STON2: variants seen among roughly 807,000 people sequenced by gnomAD.
STON2 encodes the protein stonin 2.
In STON2, 29 loss-of-function variants were observed where a neutral mutation model predicts 65.7. That is an observed-to-expected ratio of 0.44 (90% CI 0.33 to 0.60). The LOEUF (loss-of-function observed/expected upper bound fraction) is 0.60, where lower values mean the gene tolerates loss of function less well. Ranked by LOEUF, STON2 falls within the 20% of genes least tolerant of loss-of-function variation. The pLI is 0.03. For synonymous variants in STON2, 404 were observed against 414.2 expected (o/e 0.98, Z 0.30); for missense variants, 1,054 against 1,118.1 (o/e 0.94, Z 0.82).
chr14:81,332,018 C>T (rs1897234327), intron 4 of STON2, among the ~76,000 whole-genome samples: 1 of 152,192 alleles, frequency 6.6e-6, no homozygotes, highest in South Asian at 2.1e-4. Flanking sequence ...GGGTCATAAA[C>T]ATATTTATGG....
At chr14:81,322,156 C>A (rs1270524258) in intron 5 of STON2, among the ~76,000 whole-genome samples, 1 of 152,106 alleles carries the variant, frequency 6.6e-6, no homozygotes, top group Admixed American at 6.6e-5. Context: ...GGGGCTGGCA[C>A]TACATGGAGG....
intron 2 of STON2, among the ~76,000 whole-genome samples, chr14:81,422,662 C>A (rs980957844): frequency 1.3e-5 from 2 of 152,170 alleles, no homozygotes; most frequent in Non-Finnish European, 2.9e-5. Flanking sequence ...AGTTTTCCAG[C>A]ATTTGAAGAA....
chr14:81,424,145 CTTCTT>C (rs1370100881), intron 2 of STON2, among the ~76,000 whole-genome samples: 1 of 152,134 alleles, frequency 6.6e-6, no homozygotes, highest in Non-Finnish European at 1.5e-5. Context: ...AGTTTATTTC[CTTCTT>C]TTATTTTTCC....
intron 4 of STON2, among the ~76,000 whole-genome samples, chr14:81,366,650 G>A (rs4119205): frequency 0.52 from 79,058 of 151,416 alleles, 21,412 homozygotes; most frequent in East Asian, 0.73. Context: ...CAATCATACC[G>A]AACTCCCCAC....
chr14:81,342,963 A>G (rs1036182423), intron 4 of STON2, among the ~76,000 whole-genome samples: 9 of 152,162 alleles, frequency 5.9e-5, no homozygotes, highest in African/African-American at 2.2e-4. Flanking sequence ...TCAAGCGGCA[A>G]TGCCTATGTC....
chr14:81,410,619 G>T (rs2139857532), intron 2 of STON2, among the ~76,000 whole-genome samples: 1 of 152,244 alleles, frequency 6.6e-6, no homozygotes, highest in African/African-American at 2.4e-5. Context: ...TCTGCCCATG[G>T]TACCCTGAGC....
intron 2 of STON2, among the ~76,000 whole-genome samples, chr14:81,419,564 G>A (rs867711354): frequency 6.6e-6 from 1 of 152,012 alleles, no homozygotes; most frequent in Non-Finnish European, 1.5e-5. Flanking sequence ...CCTAAATGAG[G>A]GTGGCCAACA....
chr14:81,309,853 A>G (rs902974074), intron 5 of STON2, among the ~76,000 whole-genome samples: 1 of 152,224 alleles, frequency 6.6e-6, no homozygotes, highest in Non-Finnish European at 1.5e-5. Flanking sequence ...ATCTTATTTG[A>G]GAATCCTCTG....
chr14:81,291,184 C>A (rs1280818448), intron 5 of STON2, among the ~76,000 whole-genome samples: 1 of 151,892 alleles, frequency 6.6e-6, no homozygotes, highest in African/African-American at 2.4e-5. Flanking sequence ...CAAACCTTTC[C>A]GTAATTATTG....
At chr14:81,287,431 C>T (rs930144914) in intron 5 of STON2, among the ~76,000 whole-genome samples, 15 of 152,204 alleles carry the variant, frequency 9.9e-5, no homozygotes, top group African/African-American at 3.6e-4. Flanking sequence ...CAAACTACCA[C>T]TTAACATTAC....
chr14:81,295,575 C>G (rs988067067), intron 5 of STON2, among the ~76,000 whole-genome samples: 1 of 152,136 alleles, frequency 6.6e-6, no homozygotes, highest in Non-Finnish European at 1.5e-5. Flanking sequence ...AAGGCTAGAA[C>G]ATTCTTGCAC....
intron 5 of STON2, among the ~76,000 whole-genome samples, chr14:81,288,399 C>T (rs1042830349): frequency 3.3e-5 from 5 of 152,234 alleles, no homozygotes; most frequent in East Asian, 1.9e-4. Context: ...TACTATACTC[C>T]GAGGCTGCAT....
chr14:81,268,796 T>A, intron 7 of STON2: 1 of 237,044 alleles, frequency 4.2e-6, no homozygotes. Flanking sequence ...ACTTATTAAG[T>A]AGACTTAGGT....
rs1901270953 is a variant in STON2 at position 81,413,498 on chromosome 14, A to G, written c.-199+13604T>C. On this transcript the variant is annotated intron_variant, in intron 2 of 8. Transcript: ENST00000553821. ...GTTTTCTCTCAAAATCCATTCCTTT[A>G]AAAAATAAATCTGTTGGCCGGGCGC... is the stretch of plus-strand genomic sequence containing the variant. Among the ~76,000 whole-genome samples the G allele has an allele frequency of 3.6e-5, 5 of 140,300 alleles. 1 individual carries two copies. Among genetic ancestry groups the G allele is most frequent in the Admixed American group, 3.5e-4 (5 of 14,124 alleles). 92.0% of individuals were successfully genotyped at this position (140,300 alleles called of 152,430 possible). A position where few individuals can be genotyped will look rare whatever the true frequency, so the allele number is the denominator to read the frequency against.
At chr14:81,380,625 T>C (rs542774684) in intron 3 of STON2, among the ~76,000 whole-genome samples, 261 of 152,232 alleles carry the variant, frequency 1.7e-3, no homozygotes, top group African/African-American at 5.9e-3. Context: ...ATATACACGA[T>C]GGAATACTAC....
chr14:81,317,232 A>G (rs1293942192), intron 5 of STON2, among the ~76,000 whole-genome samples: 1 of 152,164 alleles, frequency 6.6e-6, no homozygotes, highest in Non-Finnish European at 1.5e-5. Context: ...GTGAACAAAT[A>G]GAGGGAGCAC....
intron 6 of STON2, among the ~76,000 whole-genome samples, chr14:81,273,947 C>G (rs1356872013): frequency 6.6e-6 from 1 of 152,170 alleles, no homozygotes; most frequent in African/African-American, 2.4e-5. Flanking sequence ...GTACAAAGCA[C>G]CTTCCCAGGG....
chr14:81,324,019 T>C lies in STON2; in HGVS notation c.740A>G (p.Asn247Ser), dbSNP rs1896915576. The stretch of plus-strand genomic sequence containing the variant: ...TTCCTGCTGCGGGCAGCCCTTACCA[T>C]TGGGAGCAGAGGCCCCCTCCGGACC... ...GEGPEGASAP[N>S]DNSSSLQEDE... The change falls in exon 5 of 8, where the codon AAT becomes AGT. Residue 247 changes from asparagine to serine, a missense_variant and splice_region_variant. Transcript: ENST00000614646. Among the ~76,000 whole-genome samples the C allele has an allele frequency of 6.6e-6, 1 of 152,162 alleles. No individual in the cohort carries two copies. The highest frequency in any genetic ancestry group is 2.4e-5 in the African/African-American group (1 of 41,428).
In STON2 at chr14:81,359,529, A is replaced by T. The variant is rs1194840343; in HGVS notation, c.571+11459T>A. ...TCAATAGAAAAAAGAAATAATAAAG[A>T]TCAAAGCAGAAATACCTGAAGTAGA... On this transcript the variant is annotated intron_variant, in intron 4 of 7. Coordinates refer to ENST00000614646, the MANE Select transcript of STON2 (RefSeq NM_001394390.1). Among the ~76,000 whole-genome samples the T allele has an allele frequency of 2.0e-5, 3 of 152,186 alleles. No homozygotes were observed. In the East Asian group the frequency reaches 5.8e-4, roughly 29 times the overall value.
Sources: gnomAD v4.1 joint callset for allele counts (sites outside exome capture counted in the v4.1 genomes callset) on GRCh38, gnomAD v4.1.1 for gene constraint, MANE v1.5 for transcripts, NCBI Gene and HGNC (gene_info 2026-07-23, HGNC 2026-07-21) for gene names.